Variants in GJB7 observed in about 807,000 individuals in gnomAD.
GJB7 encodes the protein gap junction beta-7 protein.
For missense variants in GJB7, 253 were observed against 256.8 expected, an observed-to-expected ratio of 0.99 and a Z score of 0.10; for synonymous variants, 87 against 95.2, an observed-to-expected ratio of 0.91 and a Z score of 0.50.
intron 2 of GJB7, among the ~76,000 whole-genome samples, chr6:87,319,503 GA>G (rs965471077): frequency 2.0e-5 from 3 of 152,188 alleles, no homozygotes; most frequent in African/African-American, 7.2e-5. Context: ...TAAGGGATAA[GA>G]AAAAAGTTTG....
intron 2 of GJB7, among the ~76,000 whole-genome samples, chr6:87,293,668 T>C (rs932407826): frequency 3.3e-5 from 5 of 152,224 alleles, no homozygotes; most frequent in Admixed American, 1.3e-4. Context: ...CACCTTCTGC[T>C]AGCAGCAGCG....
At chr6:87,323,283 T>TTTG (rs1776717330) in intron 1 of GJB7, among the ~76,000 whole-genome samples, 1 of 152,152 alleles carries the variant, frequency 6.6e-6, no homozygotes, top group South Asian at 2.1e-4. Flanking sequence ...TATTTATTTA[T>TTTG]TTGTTATTAT....
chr6:87,327,246 T>A (rs1353350058), intron 1 of GJB7, among the ~76,000 whole-genome samples: 1 of 147,034 alleles, frequency 6.8e-6, no homozygotes, highest in East Asian at 2.0e-4. Flanking sequence ...GTCTTTTAAT[T>A]GGAGCATTTA....
At chr6:87,323,845 G>A (rs898634776) in intron 1 of GJB7, among the ~76,000 whole-genome samples, 4 of 152,032 alleles carry the variant, frequency 2.6e-5, no homozygotes, top group African/African-American at 7.3e-5. Context: ...CTGAGGAATC[G>A]CCACACTGAC....
intron 2 of GJB7, among the ~76,000 whole-genome samples, chr6:87,318,682 A>G (rs1776617425): frequency 6.6e-6 from 1 of 152,194 alleles, no homozygotes; most frequent in Admixed American, 6.5e-5. Flanking sequence ...AGAGTGGGAG[A>G]GCATGGATAA....
At chr6:87,290,716 C>A (rs1358520546) in intron 2 of GJB7, among the ~76,000 whole-genome samples, 1 of 152,196 alleles carries the variant, frequency 6.6e-6, no homozygotes, top group South Asian at 2.1e-4. Context: ...TCCAGTCCAC[C>A]ACCTGTTTTG....
At chr6:87,309,553 A>G (rs1245562772) in intron 2 of GJB7, among the ~76,000 whole-genome samples, 1 of 152,202 alleles carries the variant, frequency 6.6e-6, no homozygotes, top group Non-Finnish European at 1.5e-5. Flanking sequence ...GAGCAGGTAT[A>G]TGCAACCTAC....
chr6:87,294,148 G>A (rs139892090), intron 2 of GJB7, among the ~76,000 whole-genome samples: 4 of 152,292 alleles, frequency 2.6e-5, no homozygotes, highest in Non-Finnish European at 5.9e-5. Context: ...AGGATAAAGC[G>A]AAATAAGAAA....
chr6:87,306,193 A>G (rs1322058243), intron 2 of GJB7, among the ~76,000 whole-genome samples: 1 of 152,136 alleles, frequency 6.6e-6, no homozygotes, highest in African/African-American at 2.4e-5. Flanking sequence ...TCATTAAACT[A>G]AAGAGCTTCT....
At chr6:87,320,552 T>G (rs1776641387) in intron 2 of GJB7, among the ~76,000 whole-genome samples, 1 of 152,314 alleles carries the variant, frequency 6.6e-6, no homozygotes, top group East Asian at 1.9e-4. Flanking sequence ...TGACACAGCC[T>G]CAGGCAGTCC....
At chr6:87,286,706 T>C (rs1267491172) in intron 2 of GJB7, among the ~76,000 whole-genome samples, 1 of 152,218 alleles carries the variant, frequency 6.6e-6, no homozygotes, top group East Asian at 1.9e-4. Flanking sequence ...CATGATATGC[T>C]CAGAACTCTG....
At chr6:87,301,045 G>T (rs1051559410) in intron 2 of GJB7, among the ~76,000 whole-genome samples, 1 of 152,214 alleles carries the variant, frequency 6.6e-6, no homozygotes, top group Non-Finnish European at 1.5e-5. Context: ...ATCAATTAGA[G>T]GGGCGGTTCC....
intron 2 of GJB7, among the ~76,000 whole-genome samples, chr6:87,304,990 A>T (rs1282691071): frequency 1.3e-5 from 2 of 152,232 alleles, no homozygotes; most frequent in Non-Finnish European, 2.9e-5. Context: ...TCATGCTAAA[A>T]ACTCTCAATA....
At chr6:87,288,495 T>C (rs1776107094) in intron 2 of GJB7, among the ~76,000 whole-genome samples, 1 of 152,238 alleles carries the variant, frequency 6.6e-6, no homozygotes, top group Admixed American at 6.5e-5. Flanking sequence ...CCAAATTATG[T>C]ATCTCCAGTG....
intron 2 of GJB7, among the ~76,000 whole-genome samples, chr6:87,297,027 G>A (rs1051498819): frequency 6.6e-5 from 10 of 152,320 alleles, no homozygotes; most frequent in Middle Eastern, 3.4e-3. Context: ...ACATGTTTCT[G>A]TAAAATCTGC....
At chr6:87,315,261 A>G (rs1385405939) in intron 2 of GJB7, among the ~76,000 whole-genome samples, 1 of 152,250 alleles carries the variant, frequency 6.6e-6, no homozygotes, top group Non-Finnish European at 1.5e-5. Context: ...CACCTCCACA[A>G]TTATGATAAT....
chr6:87,298,985 G>A (rs1198139623), intron 2 of GJB7: 10 of 471,672 alleles, frequency 2.1e-5, no homozygotes, highest in African/African-American at 1.8e-4. Context: ...AACAAAAGAT[G>A]GTGTGACTGT....
Position 87,322,776 on chromosome 6 carries a change from C to T in GJB7, c.-28+90G>A, listed in dbSNP as rs115956240. ...GGGAGGGAGCGTCCTCTCGGATAGC[C>T]CAAATCTTTGCCTCTCCGTGGACTC... On this transcript the variant is annotated intron_variant, in intron 2 of 2. Coordinates refer to ENST00000525899, the MANE Select transcript of GJB7 (RefSeq NM_198568.3). The T allele has an allele frequency of 3.9e-3, 588 of 152,218 alleles. 1 individual carries two copies. The highest frequency in any genetic ancestry group is 0.014 in the African/African-American group (564 of 41,496). 9.4% of individuals were successfully genotyped at this position (152,218 alleles called of 1,614,324 possible).
intron 2 of GJB7, among the ~76,000 whole-genome samples, chr6:87,296,652 A>G (rs1365993343): frequency 6.6e-6 from 1 of 152,226 alleles, no homozygotes; most frequent in Non-Finnish European, 1.5e-5. Flanking sequence ...AAATAATATT[A>G]CAAGTGTGTT....
Sources: gnomAD v4.1 joint callset for allele counts (sites outside exome capture counted in the v4.1 genomes callset) on GRCh38, gnomAD v4.1.1 for gene constraint, MANE v1.5 for transcripts, NCBI Gene and HGNC (gene_info 2026-07-23, HGNC 2026-07-21) for gene names.